The following PLEKHM3 variants were observed in gnomAD, a reference collection of about 807,000 sequenced individuals.
The protein encoded by PLEKHM3 is pleckstrin homology domain containing M3, also known as pleckstrin homology domain-containing family M member 3.
A neutral mutation model predicts 81.8 loss-of-function variants in PLEKHM3; 45 were observed. The observed-to-expected ratio is 0.55, with a 90% confidence interval of 0.43 to 0.71. The LOEUF is 0.71. Among genes scored for constraint, PLEKHM3 ranks in the 30% least tolerant of loss-of-function variants. The pLI is 0.00. For missense variants in PLEKHM3, 788 were observed against 924.3 expected (o/e 0.85, Z 1.91); for synonymous variants, 352 against 356.4 (o/e 0.99, Z 0.14).
At chr2:208,020,732 A>C (rs1339685677) in intron 1 of PLEKHM3, among the ~76,000 whole-genome samples, 3 of 152,208 alleles carry the variant, frequency 2.0e-5, no homozygotes, top group Non-Finnish European at 2.9e-5. Context: ...CTTGCTAGAT[A>C]TCCCTCCAGA....
intron 2 of PLEKHM3, among the ~76,000 whole-genome samples, chr2:207,979,821 AT>A (rs1691461715): frequency 6.6e-6 from 1 of 152,178 alleles, no homozygotes; most frequent in South Asian, 2.1e-4. Flanking sequence ...AAGGAGAGAA[AT>A]GAGGCTGAGA....
At chr2:207,980,594 G>A (rs953907039) in intron 2 of PLEKHM3, among the ~76,000 whole-genome samples, 1 of 151,962 alleles carries the variant, frequency 6.6e-6, no homozygotes. Context: ...TTTGAAACAA[G>A]GTTTTACTCT....
chr2:208,001,993 G>T, intron 1 of PLEKHM3, 36 bp from the exon 2 acceptor site: 2 of 270,186 alleles, frequency 7.4e-6, no homozygotes, highest in Non-Finnish European at 1.4e-5. Context: ...TTGGCACATG[G>T]TTCATTGTAT....
At chr2:207,848,230 C>T (rs564462865) in intron 7 of PLEKHM3, among the ~76,000 whole-genome samples, 3 of 152,310 alleles carry the variant, frequency 2.0e-5, no homozygotes, top group African/African-American at 7.2e-5. Flanking sequence ...CCTCCATCCC[C>T]ACCCCTTCCC....
intron 2 of PLEKHM3, among the ~76,000 whole-genome samples, chr2:207,984,295 T>G (rs1260229259): frequency 6.6e-6 from 1 of 152,250 alleles, no homozygotes; most frequent in Non-Finnish European, 1.5e-5. Context: ...AGATAAGATC[T>G]TTAAAATATA....
Position 207,830,957 on chromosome 2 carries a change from G to A in PLEKHM3, c.2109-2461C>T, listed in dbSNP as rs138269299. 4.8e-3 allele frequency among the ~76,000 whole-genome samples: 733 copies of A among 152,278 alleles called. 7 individuals carry two copies. Among genetic ancestry groups the A allele is most frequent in the African/African-American group, 0.015 (642 of 41,558 alleles). ...AGTCTGAGCAGACTAATGACCTTACGCAAGTCACGTCGCCTTTCTGAGCTT... is the reference window on the plus strand; with the variant it reads ...AGTCTGAGCAGACTAATGACCTTACACAAGTCACGTCGCCTTTCTGAGCTT... On this transcript the variant is annotated intron_variant, in intron 7 of 7. Coordinates refer to ENST00000427836, the MANE Select transcript of PLEKHM3 (RefSeq NM_001080475.3).
intron 6 of PLEKHM3, among the ~76,000 whole-genome samples, chr2:207,883,783 T>C (rs994014286): frequency 1.3e-5 from 2 of 152,062 alleles, no homozygotes; most frequent in Non-Finnish European, 2.9e-5. Flanking sequence ...TGGAAAAATA[T>C]ACAAATACCC....
intron 3 of PLEKHM3, among the ~76,000 whole-genome samples, chr2:207,969,260 C>A (rs1691028667): frequency 6.6e-6 from 1 of 152,200 alleles, no homozygotes; most frequent in South Asian, 2.1e-4. Flanking sequence ...GACTCACATT[C>A]ATAAGAAGTT....
chr2:207,965,034 T>C (rs1042363460), intron 3 of PLEKHM3, among the ~76,000 whole-genome samples: 2 of 152,198 alleles, frequency 1.3e-5, no homozygotes, highest in Non-Finnish European at 2.9e-5. Context: ...TTCACTTAAG[T>C]ATGTTTCTGT....
At chr2:207,890,753 T>A (rs1176840557) in intron 6 of PLEKHM3, among the ~76,000 whole-genome samples, 1 of 152,236 alleles carries the variant, frequency 6.6e-6, no homozygotes, top group East Asian at 1.9e-4. Flanking sequence ...TCAGACTATA[T>A]CATGATGGCT....
In PLEKHM3 at chr2:207,976,637, A is replaced by T. The variant is rs780328336; in HGVS notation, c.1546+14T>A. On this transcript the variant is annotated intron_variant, in intron 3 of 7. Transcript: ENST00000427836. This position sits in a 1 kb window ranked among gnomAD's most constrained non-coding sequence, Gnocchi z 4.1. Reference sequence around the variant, plus strand: ...GTTCTTTAATGAGCTATAGGCTGAAAATCTGCTTCATACCTGCACATTTGA... The same window carrying T: ...GTTCTTTAATGAGCTATAGGCTGAATATCTGCTTCATACCTGCACATTTGA... 1 of 1,605,100 alleles carries T rather than the reference A, an allele frequency of 6.2e-7. No homozygotes were observed. Among genetic ancestry groups the T allele is most frequent in the Non-Finnish European group, 8.5e-7 (1 of 1,175,336 alleles).
intron 1 of PLEKHM3, among the ~76,000 whole-genome samples, chr2:208,014,605 C>A (rs1239569021): frequency 9.8e-5 from 15 of 152,392 alleles, no homozygotes; most frequent in African/African-American, 3.6e-4. Context: ...GATTGCGCCA[C>A]TGCACTCTGG....
chr2:207,946,750 TG>T (rs1417802274), intron 3 of PLEKHM3, among the ~76,000 whole-genome samples: 1 of 152,202 alleles, frequency 6.6e-6, no homozygotes, highest in Non-Finnish European at 1.5e-5. Context: ...CCCCTGTCTC[TG>T]GTTTCTTCTG....
rs749846618 is a variant in PLEKHM3 at position 207,977,239 on chromosome 2, C to T, written c.958G>A (p.Glu320Lys). ...AVPGYMGRQN[E>K]LTISPGLGHH... ...CCAAGCCCTGGTGAGATTGTCAGCT[C>T]ATTCTGCCGCCCCATGTAACCGGGC... The change falls in exon 3 of 8, where the codon GAG becomes AAG. Residue 320 changes from glutamate (E) to lysine (K), a missense_variant. Physicochemically the swap from Glu to Lys is moderately conservative, Grantham distance 56 (BLOSUM62 1). Transcript: ENST00000427836. 3.1e-6 allele frequency: 5 copies of T among 1,614,122 alleles called. No homozygotes were observed. Among genetic ancestry groups the T allele is most frequent in the Non-Finnish European group, 3.4e-6 (4 of 1,180,010 alleles).
At chr2:207,878,493 A>C (rs1321824382) in intron 6 of PLEKHM3, among the ~76,000 whole-genome samples, 1 of 152,178 alleles carries the variant, frequency 6.6e-6, no homozygotes, top group Non-Finnish European at 1.5e-5. Flanking sequence ...CTGTAATCCC[A>C]GCTACTGGGG....
chr2:207,874,270 A>T (rs147359475), intron 6 of PLEKHM3, among the ~76,000 whole-genome samples: 6 of 152,256 alleles, frequency 3.9e-5, no homozygotes, highest in African/African-American at 1.2e-4. Flanking sequence ...TCCCTAACTC[A>T]TCTCATAAAA....
At chr2:207,901,553 TG>T (rs1688427382) in intron 6 of PLEKHM3, among the ~76,000 whole-genome samples, 1 of 152,244 alleles carries the variant, frequency 6.6e-6, no homozygotes, top group Non-Finnish European at 1.5e-5. Context: ...TGAAACACAC[TG>T]GGAGACCGAG....
Position 207,895,423 on chromosome 2 carries a change from C to T in PLEKHM3, c.1950+13091G>A, listed in dbSNP as rs772817807. ...CAAATCCGTAGTTTTATTACCCAAA[C>T]TCAAATCCGTAGTTTTATTACCCGT... On this transcript the variant is annotated intron_variant, in intron 6 of 7. Coordinates refer to ENST00000427836, the MANE Select transcript of PLEKHM3 (RefSeq NM_001080475.3). Among the ~76,000 whole-genome samples, 114 of 152,322 alleles carry T rather than the reference C, an allele frequency of 7.5e-4. 1 individual carries two copies. In the Middle Eastern group the frequency reaches 0.017, roughly 23 times the overall value.
rs551225627 is a variant in PLEKHM3, at chr2:207,841,290, C to A, written c.2109-12794G>T. On this transcript the variant is annotated intron_variant, in intron 7 of 7. Coordinates refer to ENST00000427836, the MANE Select transcript of PLEKHM3 (RefSeq NM_001080475.3). ...GACCAGCCTGACCAACATGGTGAAA[C>A]CCCATCTCTACTAAAAATACAAAAA... is the stretch of plus-strand genomic sequence containing the variant. Among the ~76,000 whole-genome samples the A allele has an allele frequency of 7.5e-4, 113 of 150,268 alleles. 1 individual carries two copies. Among genetic ancestry groups the A allele is most frequent in the African/African-American group, 2.5e-3 (101 of 40,986 alleles).
Sources: allele counts gnomAD v4.1 joint callset (sites outside exome capture counted in the v4.1 genomes callset), GRCh38; gene constraint gnomAD v4.1.1; non-coding constraint Gnocchi (gnomAD v3.1); transcripts MANE v1.5; gene names NCBI Gene and HGNC (gene_info 2026-07-23, HGNC 2026-07-21).